The following PSG7 variants were observed in gnomAD, a reference collection of about 807,000 sequenced individuals.
The protein encoded by PSG7 is pregnancy-specific beta-1-glycoprotein 7.
Under a neutral mutation model 45.6 loss-of-function variants are expected in PSG7, and 57 were observed. The ratio of observed to expected loss-of-function variants is 1.25; its 90% CI spans 1.01 to 1.56. The LOEUF is 1.56. Ranked by LOEUF, PSG7 falls within the 40% of genes most tolerant of loss-of-function variation. PSG7 has a pLI of 0.00. For synonymous variants in PSG7, 298 were observed against 194.4 expected, an observed-to-expected ratio of 1.53 and a Z score of -4.43; for missense variants, 796 against 508.4, an observed-to-expected ratio of 1.57 and a Z score of -5.44.
In PSG7 at chr19:42,929,431, A is replaced by C. The variant is rs376753386; in HGVS notation, c.709+11T>G. On this transcript the variant is annotated intron_variant, in intron 3 of 5. Transcript: ENST00000406070. ...GGCAGCCTGGCTAACAGAGGAACAGAAGATACTCACGGAGGAGATTCAGGG... is the reference window on the plus strand; with the variant it reads ...GGCAGCCTGGCTAACAGAGGAACAGCAGATACTCACGGAGGAGATTCAGGG... 73 of 1,612,176 alleles carry C rather than the reference A, an allele frequency of 4.5e-5. No individual in the cohort carries two copies. Among genetic ancestry groups the C allele is most frequent in the Non-Finnish European group, 5.9e-5 (70 of 1,179,044 alleles).
chr19:42,937,021 A>T lies in PSG7; in HGVS notation c.56T>A (p.Leu19Gln). ...GGAAGTTCTCTCCTCACCTGTGAGC[A>T]GGAGCCCTTTCCAGGTTATATGCTG... ...CTQHITWKGL[L>Q]LTASLLNFWN... The change falls in exon 1 of 6, where the codon CTG (leucine) becomes CAG (glutamine). Residue 19 changes from leucine to glutamine, a missense_variant. Physicochemically the swap from Leu to Gln is moderately radical, Grantham distance 113. Coordinates refer to ENST00000406070, the MANE Select transcript of PSG7 (RefSeq NM_002783.3). 1 of 1,611,384 alleles carries T rather than the reference A, an allele frequency of 6.2e-7. No homozygotes were observed. Among genetic ancestry groups the T allele is most frequent in the Non-Finnish European group, 8.5e-7 (1 of 1,178,476 alleles).
chr19:42,924,767 G>A lies in PSG7; in HGVS notation c.*41C>T, dbSNP rs1972489144. Reference sequence around the variant, plus strand: ...GAACAGAGTGGGTCTTGCTCTTTGAGGTTCCATGGGAGAAGATGGAATTGG... The same window carrying A: ...GAACAGAGTGGGTCTTGCTCTTTGAAGTTCCATGGGAGAAGATGGAATTGG... On this transcript the variant is annotated 3_prime_UTR_variant, in exon 6 of 6. Coordinates refer to ENST00000406070, the MANE Select transcript of PSG7 (RefSeq NM_002783.3). The A allele has an allele frequency of 1.3e-6, 1 of 767,840 alleles. No individual in the cohort carries two copies. Among genetic ancestry groups the A allele is most frequent in the East Asian group, 2.4e-5 (1 of 41,176 alleles). 47.6% of individuals were successfully genotyped at this position (767,840 alleles called of 1,614,324 possible).
rs532290368 is a variant in PSG7 at position 42,924,525 on chromosome 19, T to G, written c.*283A>C. The G allele has an allele frequency of 2.0e-4, 118 of 589,096 alleles. 4 individuals are homozygous for G. Among genetic ancestry groups the G allele is most frequent in the Middle Eastern group, 4.5e-4 (1 of 2,228 alleles). 36.5% of individuals were successfully genotyped at this position (589,096 alleles called of 1,614,324 possible). ...CACAAGCAAGGACAGCTAAGAGGGG[T>G]GAGAGCCTCATCATGATGGGGAGTC... On this transcript the variant is annotated 3_prime_UTR_variant, in exon 6 of 6. Transcript: ENST00000406070.
chr19:42,928,197 CTA>C (rs1323240234), intron 3 of PSG7, among the ~76,000 whole-genome samples: 1 of 151,472 alleles, frequency 6.6e-6, no homozygotes, highest in Admixed American at 6.6e-5. Flanking sequence ...TTGCTATTTT[CTA>C]TGTCATGAGA....
rs1300534271 is a variant in PSG7, at chr19:42,937,044, C to G, written c.33G>C (p.Gln11His). 19 of 1,611,608 alleles carry G rather than the reference C, an allele frequency of 1.2e-5. 3 individuals are homozygous for G. The highest frequency in any genetic ancestry group is 1.4e-5 in the Non-Finnish European group (16 of 1,178,586). Reference protein sequence around the residue: MGPLSAPPCTQHITWKGLLLT... With the variant: MGPLSAPPCTHHITWKGLLLT... ...GCAGGAGCCCTTTCCAGGTTATATGCTGTGTGCAGGGAGGGGCTGAGAGGG... is the reference window on the plus strand; with the variant it reads ...GCAGGAGCCCTTTCCAGGTTATATGGTGTGTGCAGGGAGGGGCTGAGAGGG... The change falls in exon 1 of 6, where the codon CAG (glutamine) becomes CAC (histidine). Residue 11 changes from glutamine to histidine, a missense_variant. Coordinates refer to ENST00000406070, the MANE Select transcript of PSG7 (RefSeq NM_002783.3).
At chr19:42,933,307 A>ATATATATATTTTTT (rs56691588) in intron 2 of PSG7, among the ~76,000 whole-genome samples, 5 of 13,504 alleles carry the variant, frequency 3.7e-4, no homozygotes, top group Non-Finnish European at 6.4e-4. Context: ...ATATATATAT[A>ATATATATATTTTTT]TTTTTTTTTT....
At chr19:42,926,109 C>A in intron 4 of PSG7, 82 bp from the exon 5 acceptor site, 1 of 1,555,444 alleles carries the variant, frequency 6.4e-7, no homozygotes, top group Non-Finnish European at 8.7e-7. Context: ...ACAGAGTGAC[C>A]CTCTGAGCCG....
At chr19:42,926,384 G>A in intron 4 of PSG7, 54 bp downstream of exon 4, 1 of 1,602,648 alleles carries the variant, frequency 6.2e-7, no homozygotes, top group Non-Finnish European at 8.5e-7. Flanking sequence ...GTCGTTTGGA[G>A]TTAAGCTGGT....
chr19:42,926,059 G>T, intron 4 of PSG7, 32 bp from the exon 5 acceptor site: 1 of 1,605,290 alleles, frequency 6.2e-7, no homozygotes, highest in Non-Finnish European at 8.5e-7. Context: ...CACAGGTGAT[G>T]TTATCCGAGG....
At position 42,935,556 on chromosome 19, in the gene PSG7, G is replaced by C; in HGVS notation, c.278C>G (p.Pro93Arg). The change falls in exon 2 of 6, where the codon CCT becomes CGT. Residue 93 changes from proline to arginine, a missense_variant. Coordinates refer to ENST00000406070, the MANE Select transcript of PSG7 (RefSeq NM_002783.3). ...TACTGTTTCTCGTCCACTGTATGCA[G>C]GCCCATATTTAATTATTTGACCGTC... ...IVDGQIIKYG[P>R]AYSGRETVYS... is the part of the protein sequence containing the mutation. 2 of 1,612,080 alleles carry C rather than the reference G, an allele frequency of 1.2e-6. No homozygotes were observed. The highest frequency in any genetic ancestry group is 1.7e-6 in the Non-Finnish European group (2 of 1,179,070).
At chr19:42,928,742 G>A (rs570395429) in intron 3 of PSG7, among the ~76,000 whole-genome samples, 1 of 151,330 alleles carries the variant, frequency 6.6e-6, no homozygotes, top group African/African-American at 2.4e-5. Context: ...TAGCCAGATA[G>A]ACTTCCCTGG....
At chr19:42,927,967 A>C (rs1320000556) in intron 3 of PSG7, among the ~76,000 whole-genome samples, 4 of 151,842 alleles carry the variant, frequency 2.6e-5, no homozygotes, top group Admixed American at 1.3e-4. Flanking sequence ...CTGGTTAAGC[A>C]TCCCAAATCT....
chr19:42,927,057 G>T, intron 3 of PSG7: 1 of 368,228 alleles, frequency 2.7e-6, no homozygotes, highest in Non-Finnish European at 4.9e-6. Flanking sequence ...TTCATTACCT[G>T]GAATGTGCAA....
rs1179986221 is a variant in PSG7, at chr19:42,936,189, C to T, written c.65-420G>A. ...TGACCTTTCCCTGCTCTGCTCCCTC[C>T]AGGGTTCTTGTCAACACCTGATCTC... On this transcript the variant is annotated intron_variant, in intron 1 of 5. Transcript: ENST00000406070. The T allele has an allele frequency of 1.2e-4, 22 of 187,144 alleles. No homozygotes were observed. The East Asian group carries it at 2.4e-3, about 20-fold the overall frequency. 11.6% of individuals were successfully genotyped at this position (187,144 alleles called of 1,614,324 possible). A position where few individuals can be genotyped will look rare whatever the true frequency, so the allele number is the denominator to read the frequency against.
At chr19:42,928,270 G>T (rs1279721452) in intron 3 of PSG7, among the ~76,000 whole-genome samples, 2 of 151,582 alleles carry the variant, frequency 1.3e-5, no homozygotes, top group African/African-American at 2.4e-5. Flanking sequence ...CAGTCATTAA[G>T]AAGAGCCTGT....
Position 42,930,399 on chromosome 19 carries a change from G to T in PSG7, c.431-679C>A, listed in dbSNP as rs550086995. ...CAAGGAATGACCTACAAAGAGTGAAGGGGACAGGCAAGAGCTGATAGGTTT... is the reference window on the plus strand; with the variant it reads ...CAAGGAATGACCTACAAAGAGTGAATGGGACAGGCAAGAGCTGATAGGTTT... On this transcript the variant is annotated intron_variant, in intron 2 of 5. Transcript: ENST00000406070. 3.8e-3 allele frequency among the ~76,000 whole-genome samples: 575 copies of T among 151,700 alleles called. 14 individuals are homozygous for T. The highest frequency in any genetic ancestry group is 6.8e-3 in the Middle Eastern group (2 of 292).
chr19:42,924,883 G>A (rs1190298351), intron 5 of PSG7, 59 bp from the exon 6 acceptor site: 3 of 763,506 alleles, frequency 3.9e-6, no homozygotes, highest in African/African-American at 3.4e-5. Flanking sequence ...CATAACAGGT[G>A]TACTACGGTT....
At chr19:42,925,038 G>A in intron 5 of PSG7, 1 of 591,158 alleles carries the variant, frequency 1.7e-6, no homozygotes, top group Non-Finnish European at 3.0e-6. Context: ...AGTAGCAATG[G>A]ACTATGTAGG....
intron 5 of PSG7, 170 bp from the exon 6 acceptor site, chr19:42,924,994 A>G (rs763949106): frequency 4.1e-5 from 26 of 635,396 alleles, no homozygotes; most frequent in Non-Finnish European, 6.8e-5. Flanking sequence ...AGTTTCTTCA[A>G]ACTTGGTCTG....
Sources: allele counts gnomAD v4.1 joint callset (sites outside exome capture counted in the v4.1 genomes callset), GRCh38; gene constraint gnomAD v4.1.1; transcripts MANE v1.5; gene names NCBI Gene and HGNC (gene_info 2026-07-23, HGNC 2026-07-21).